Variants in CLIP4 observed in about 807,000 individuals in gnomAD.
CLIP4 encodes CAP-Gly domain-containing linker protein 4.
A neutral mutation model predicts 73.1 loss-of-function variants in CLIP4; 47 were observed. The ratio of observed to expected loss-of-function variants is 0.64; its 90% CI spans 0.51 to 0.82. The LOEUF (loss-of-function observed/expected upper bound fraction) is 0.82. Ranked by LOEUF, CLIP4 falls within the 40% of genes least tolerant of loss-of-function variation. CLIP4 has a pLI of 0.00. For missense variants in CLIP4, 874 were observed against 852.9 expected (o/e 1.02, Z -0.31); for synonymous variants, 306 against 295.4 (o/e 1.04, Z -0.37).
chr2:29,121,118 A>G (rs1438523500), intron 1 of CLIP4, among the ~76,000 whole-genome samples: 1 of 152,068 alleles, frequency 6.6e-6, no homozygotes, highest in Non-Finnish European at 1.5e-5. Context: ...AAGTGTTTTC[A>G]CCTATTTTAT....
chr2:29,131,484 T>C (rs1385873846), intron 3 of CLIP4, 87 bp downstream of exon 3: 1 of 1,388,894 alleles, frequency 7.2e-7, no homozygotes, highest in East Asian at 2.4e-5. Flanking sequence ...AAGATGGTAA[T>C]AAAGGAGAAA....
chr2:29,103,835 T>C (rs115718109), intron 1 of CLIP4, among the ~76,000 whole-genome samples: 2,022 of 152,140 alleles, frequency 0.013, 42 homozygotes, highest in African/African-American at 0.047. Flanking sequence ...TGCGTCAGAC[T>C]CCAGAGTAGC....
At chr2:29,161,339 G>C (rs895958193) in intron 12 of CLIP4, among the ~76,000 whole-genome samples, 10 of 151,970 alleles carry the variant, frequency 6.6e-5, no homozygotes, top group Non-Finnish European at 1.5e-4. Flanking sequence ...ACAAAACCAA[G>C]TTTGTATGTT....
At chr2:29,153,275 A>AGAAC (rs1666702851) in intron 9 of CLIP4, among the ~76,000 whole-genome samples, 1 of 152,120 alleles carries the variant, frequency 6.6e-6, no homozygotes, top group African/African-American at 2.4e-5. Context: ...GTTCTATGGA[A>AGAAC]GAACTATGGA....
chr2:29,172,733 C>A (rs184028198), intron 14 of CLIP4, among the ~76,000 whole-genome samples: 6 of 151,956 alleles, frequency 3.9e-5, no homozygotes, highest in Non-Finnish European at 8.8e-5. Flanking sequence ...CTTTCCCATG[C>A]GCTCTCATAT....
intron 3 of CLIP4, 106 bp from the exon 4 acceptor site, chr2:29,132,046 G>A: frequency 4.0e-6 from 3 of 752,620 alleles, no homozygotes; most frequent in Non-Finnish European, 6.9e-6. Flanking sequence ...ATTTTACTGA[G>A]AAGTAATTCA....
intron 7 of CLIP4, among the ~76,000 whole-genome samples, chr2:29,144,293 T>C (rs2147996615): frequency 6.6e-6 from 1 of 152,258 alleles, no homozygotes; most frequent in South Asian, 2.1e-4. Context: ...CTGCTGCTCC[T>C]CCATAGAAAT....
At chr2:29,121,554 A>G in intron 2 of CLIP4, 33 bp downstream of exon 2, 4 of 1,607,178 alleles carry the variant, frequency 2.5e-6, no homozygotes, top group Non-Finnish European at 3.4e-6. Flanking sequence ...TTTTCTGTGA[A>G]CTGGTAACTT....
chr2:29,178,401 G>T (rs956888020), intron 15 of CLIP4, among the ~76,000 whole-genome samples: 1 of 151,858 alleles, frequency 6.6e-6, no homozygotes, highest in African/African-American at 2.4e-5. Context: ...GGCTGGTCTC[G>T]AATTCCTGAC....
chr2:29,138,087 A>G (rs1239892092), intron 6 of CLIP4, among the ~76,000 whole-genome samples: 1 of 152,190 alleles, frequency 6.6e-6, no homozygotes, highest in Non-Finnish European at 1.5e-5. Flanking sequence ...GCCTAAGCCA[A>G]TGCCTAGAAG....
chr2:29,173,976 T>C (rs911177327), intron 14 of CLIP4, among the ~76,000 whole-genome samples: 6 of 152,236 alleles, frequency 3.9e-5, no homozygotes, highest in African/African-American at 1.4e-4. Context: ...TTTTAAGAAA[T>C]CTTATAATGA....
chr2:29,169,278 A>G (rs1324469776), intron 14 of CLIP4, among the ~76,000 whole-genome samples: 3 of 150,906 alleles, frequency 2.0e-5, no homozygotes, highest in South Asian at 2.1e-4. Context: ...GCCTTTCTCT[A>G]TGGCTTGTAG....
chr2:29,175,616 A>G (rs1668279106), intron 15 of CLIP4: 1 of 152,226 alleles, frequency 6.6e-6, no homozygotes, highest in Non-Finnish European at 1.5e-5. Context: ...GTTATACACA[A>G]GACGCTCTGT....
At chr2:29,165,465 G>T (rs1394829782) in intron 13 of CLIP4, among the ~76,000 whole-genome samples, 1 of 152,118 alleles carries the variant, frequency 6.6e-6, no homozygotes, top group Non-Finnish European at 1.5e-5. Flanking sequence ...TCCCAGCTGG[G>T]GATTTGAACC....
At chr2:29,134,666 T>G (rs762959708) in intron 5 of CLIP4, among the ~76,000 whole-genome samples, 4 of 152,096 alleles carry the variant, frequency 2.6e-5, no homozygotes, top group Non-Finnish European at 4.4e-5. Context: ...GGGTGTGGTG[T>G]TGTTTAGTTG....
At chr2:29,107,373 T>TTTTGTTTTTTTTGTTTTTTTTG (rs1558504989) in intron 1 of CLIP4, among the ~76,000 whole-genome samples, 1 of 126,794 alleles carries the variant, frequency 7.9e-6, no homozygotes, top group African/African-American at 2.9e-5. Flanking sequence ...TTTTTTTTTT[T>TTTTGTTTTTTTTGTTTTTTTTG]TTTTTTTTTT....
Position 29,115,526 on chromosome 2 carries a change from C to A in CLIP4, c.-155C>A, listed in dbSNP as rs1663728098. 2.7e-5 allele frequency: 4 copies of A among 148,148 alleles called. No homozygotes were observed. The South Asian group carries it at 8.3e-4, about 31-fold the overall frequency. The allele number at this position is 148,148 out of a possible 1,614,324, so 9.2% of individuals were successfully genotyped here. A position where few individuals can be genotyped will look rare whatever the true frequency, so the allele number is the denominator to read the frequency against. ...CCGCGTGGGAGGCAGCGGGAGGGGC[C>A]CGGAGAGGTGTGGAGCGGCGCGGCG... On this transcript the variant is annotated 5_prime_UTR_variant, in exon 1 of 16. Transcript: ENST00000320081. The surrounding 1 kb of genome is among the most constrained non-coding windows in gnomAD (Gnocchi z 5.1).
intron 8 of CLIP4, among the ~76,000 whole-genome samples, chr2:29,149,089 T>C (rs1365236387): frequency 6.6e-6 from 1 of 152,190 alleles, no homozygotes. Context: ...GGCTATGCAT[T>C]CTCTGTTGTA....
chr2:29,141,703 A>G (rs1164809711), intron 6 of CLIP4, among the ~76,000 whole-genome samples: 1 of 151,672 alleles, frequency 6.6e-6, no homozygotes. Flanking sequence ...TATGGGTGTC[A>G]TTACCTGTGC....
Sources: gnomAD v4.1 joint callset for allele counts (sites outside exome capture counted in the v4.1 genomes callset) on GRCh38, gnomAD v4.1.1 for gene constraint, Gnocchi (gnomAD v3.1) non-coding constraint, MANE v1.5 for transcripts, NCBI Gene and HGNC (gene_info 2026-07-23, HGNC 2026-07-21) for gene names.